The following DPH6 variants were observed in gnomAD, a reference collection of about 807,000 sequenced individuals.
DPH6 encodes the protein diphthine--ammonia ligase.
In DPH6, 33 loss-of-function variants were observed where a neutral mutation model predicts 38.2. That is an observed-to-expected ratio of 0.86 (90% CI 0.65 to 1.15). The LOEUF (loss-of-function observed/expected upper bound fraction) is 1.15, where lower values mean the gene tolerates loss of function less well. DPH6 is among the 50% of genes most tolerant of loss of function. The probability of loss-of-function intolerance (pLI) is 0.00; values close to 1 mark genes in which losing one functional copy is unlikely to be tolerated. For synonymous variants in DPH6, 108 were observed against 103.0 expected (o/e 1.05, Z -0.30); for missense variants, 325 against 320.0 (o/e 1.02, Z -0.12).
At chr15:35,358,609 G>C (rs1328218436) in intron 3 of DPH6, among the ~76,000 whole-genome samples, 1 of 152,002 alleles carries the variant, frequency 6.6e-6, no homozygotes, top group African/African-American at 2.4e-5. Context: ...TTTTTCCTAT[G>C]GATGTAGCTT....
chr15:35,384,645 A>C (rs1265270419), intron 6 of DPH6, among the ~76,000 whole-genome samples: 1 of 151,008 alleles, frequency 6.6e-6, no homozygotes, highest in Non-Finnish European at 1.5e-5. Context: ...CCTGAGGGTC[A>C]AGAGTGAAAC....
intron 3 of DPH6, among the ~76,000 whole-genome samples, chr15:35,346,495 G>A (rs922503155): frequency 6.6e-6 from 1 of 152,052 alleles, no homozygotes; most frequent in Admixed American, 6.6e-5. Flanking sequence ...TTCTTGTGCT[G>A]ATTATTTTTA....
At chr15:35,468,214 G>A (rs2054151970) in intron 3 of DPH6, among the ~76,000 whole-genome samples, 1 of 152,126 alleles carries the variant, frequency 6.6e-6, no homozygotes, top group African/African-American at 2.4e-5. Context: ...ATTTTATCAT[G>A]GTAACGATCC....
chr15:35,207,422 C>A, the DPH6 span, among the ~76,000 whole-genome samples: 5 of 152,112 alleles, frequency 3.3e-5, no homozygotes, highest in Non-Finnish European at 7.4e-5. Context: ...CAGTCCTGTA[C>A]TCACTTAGCA....
intron 5 of DPH6, among the ~76,000 whole-genome samples, chr15:35,429,847 C>T (rs1347928125): frequency 6.6e-6 from 1 of 152,080 alleles, no homozygotes; most frequent in Non-Finnish European, 1.5e-5. Context: ...TTTGTTAACG[C>T]TGTTTTATCT....
chr15:35,284,800 AATTTTTT>A (rs1345938184), intron 3 of DPH6, among the ~76,000 whole-genome samples: 4 of 112,808 alleles, frequency 3.5e-5, no homozygotes, highest in Admixed American at 1.3e-4. Context: ...GAAGTCTCCA[AATTTTTT>A]TTTTTTTTTT....
the DPH6 span, among the ~76,000 whole-genome samples, chr15:35,156,627 G>T: frequency 6.6e-6 from 1 of 152,206 alleles, no homozygotes; most frequent in South Asian, 2.1e-4. Flanking sequence ...ATTCATTCTG[G>T]CTGTCTGAGA....
At chr15:35,150,441 A>G in the DPH6 span, among the ~76,000 whole-genome samples, 1 of 152,364 alleles carries the variant, frequency 6.6e-6, no homozygotes, top group Non-Finnish European at 1.5e-5. Context: ...GTTTCCAAAC[A>G]GTATCTGCCA....
chr15:35,354,983 T>C (rs1345252200), intron 3 of DPH6, among the ~76,000 whole-genome samples: 2 of 152,232 alleles, frequency 1.3e-5, no homozygotes, highest in African/African-American at 4.8e-5. Flanking sequence ...ATTGGGTGCA[T>C]ACATATTTAG....
chr15:35,179,162 C>T, the DPH6 span, among the ~76,000 whole-genome samples: 8 of 142,614 alleles, frequency 5.6e-5, no homozygotes, highest in Non-Finnish European at 9.0e-5. Context: ...GCCAAGATTG[C>T]GCCATTGCAC....
chr15:35,433,884 T>C (rs371064713), intron 5 of DPH6, among the ~76,000 whole-genome samples: 1 of 152,182 alleles, frequency 6.6e-6, no homozygotes, highest in African/African-American at 2.4e-5. Context: ...TTGAAAACCA[T>C]TGTTCTAAGA....
intron 5 of DPH6, among the ~76,000 whole-genome samples, chr15:35,423,527 C>A (rs1422294644): frequency 6.6e-6 from 1 of 151,570 alleles, no homozygotes; most frequent in Non-Finnish European, 1.5e-5. Flanking sequence ...CTTTGCTGTG[C>A]AGAAGCTTTT....
intron 3 of DPH6, among the ~76,000 whole-genome samples, chr15:35,487,784 G>GT (rs1449993701): frequency 6.6e-6 from 1 of 152,134 alleles, no homozygotes; most frequent in East Asian, 1.9e-4. Context: ...CAGAAAGTGG[G>GT]TTTTTATTTT....
At chr15:35,194,664 A>C in the DPH6 span, among the ~76,000 whole-genome samples, 1 of 152,366 alleles carries the variant, frequency 6.6e-6, no homozygotes, top group Admixed American at 6.5e-5. Context: ...TTTAAAATCT[A>C]TTGATTGCAG....
chr15:35,182,155 G>GT, the DPH6 span, among the ~76,000 whole-genome samples: 2 of 139,394 alleles, frequency 1.4e-5, no homozygotes, highest in African/African-American at 2.7e-5. Flanking sequence ...TAATTTTACA[G>GT]TTTTACATGT....
At chr15:35,509,805 A>G (rs781504825) in intron 3 of DPH6, among the ~76,000 whole-genome samples, 22 of 152,238 alleles carry the variant, frequency 1.4e-4, no homozygotes, top group Admixed American at 2.6e-4. Context: ...CTTCTTACTT[A>G]TCTTTCTTTG....
chr15:35,337,732 G>A (rs1166834660), intron 3 of DPH6, among the ~76,000 whole-genome samples: 3 of 152,008 alleles, frequency 2.0e-5, no homozygotes, highest in South Asian at 2.1e-4. Flanking sequence ...AAGTCAATCC[G>A]AAGCCAAAAG....
At chr15:35,539,484 T>A (rs954070743) in intron 2 of DPH6, among the ~76,000 whole-genome samples, 3 of 151,992 alleles carry the variant, frequency 2.0e-5, no homozygotes, top group Non-Finnish European at 4.4e-5. Flanking sequence ...GTGGTGTAAA[T>A]CTTCCTAAGC....
At chr15:35,399,165 G>A (rs1387020535) in intron 6 of DPH6, among the ~76,000 whole-genome samples, 4 of 152,016 alleles carry the variant, frequency 2.6e-5, no homozygotes, top group Admixed American at 1.3e-4. Context: ...CTATGCATGG[G>A]AGAAGAAAAT....
Sources: gnomAD v4.1 joint callset for allele counts (sites outside exome capture counted in the v4.1 genomes callset) on GRCh38, gnomAD v4.1.1 for gene constraint, MANE v1.5 for transcripts, NCBI Gene and HGNC (gene_info 2026-07-23, HGNC 2026-07-21) for gene names.